The following AGBL1 variants were observed in gnomAD, a reference collection of about 807,000 sequenced individuals.
AGBL1 encodes AGBL carboxypeptidase 1, also known as cytosolic carboxypeptidase 4.
Under a neutral mutation model 118.9 loss-of-function variants are expected in AGBL1, and 130 were observed. The ratio of observed to expected loss-of-function variants is 1.09; its 90% CI spans 0.95 to 1.26. The LOEUF (loss-of-function observed/expected upper bound fraction) is 1.26, where lower values mean the gene tolerates loss of function less well. Among genes scored for constraint, AGBL1 ranks in the 50% most tolerant of loss-of-function variants. The pLI is 0.00. For synonymous variants in AGBL1, 555 were observed against 478.9 expected, an observed-to-expected ratio of 1.16 and a Z score of -2.08; for missense variants, 1,584 against 1,298.1, an observed-to-expected ratio of 1.22 and a Z score of -3.38.
intron 22 of AGBL1, among the ~76,000 whole-genome samples, chr15:86,829,856 T>G (rs1168072022): frequency 6.6e-6 from 1 of 152,148 alleles, no homozygotes; most frequent in Non-Finnish European, 1.5e-5. Context: ...ACTAGTTGCG[T>G]GCATTTGTTC....
rs528582720 is a variant in AGBL1, at chr15:86,672,143, TAAAG to T, written c.2995-2128_2995-2125del. ...GAGTAAAGAGAAAAAAACAGAGTAG[TAAAG>T]AGAGATTAATATCAAAGGGCAAAAT... On this transcript the variant is annotated intron_variant, in intron 21 of 22. Transcript: ENST00000614907. 2.6e-3 allele frequency among the ~76,000 whole-genome samples: 402 copies of T among 152,150 alleles called. 2 individuals carry two copies. Among genetic ancestry groups the T allele is most frequent in the African/African-American group, 9.3e-3 (385 of 41,526 alleles).
At chr15:86,250,609 T>A (rs1273971376) in intron 7 of AGBL1, among the ~76,000 whole-genome samples, 1 of 144,300 alleles carries the variant, frequency 6.9e-6, no homozygotes, top group Non-Finnish European at 1.5e-5. Flanking sequence ...ATCAAGTTTA[T>A]GTGCAAAGTC....
At chr15:86,303,629 C>T (rs1284302777) in intron 17 of AGBL1, among the ~76,000 whole-genome samples, 1 of 152,074 alleles carries the variant, frequency 6.6e-6, no homozygotes, top group African/African-American at 2.4e-5. Flanking sequence ...AAAATATACT[C>T]TATTTTAGAG....
At chr15:86,262,729 C>A in intron 9 of AGBL1, 49 bp from the exon 10 acceptor site, 1 of 1,267,630 alleles carries the variant, frequency 7.9e-7, no homozygotes, top group Non-Finnish European at 1.1e-6. Flanking sequence ...TGATGCTTCT[C>A]AGGGTGGATT....
intron 21 of AGBL1, among the ~76,000 whole-genome samples, chr15:86,610,782 A>AT (rs895086881): frequency 5.3e-5 from 8 of 151,222 alleles, no homozygotes; most frequent in East Asian, 3.9e-4. Context: ...CTAATCACGT[A>AT]TTTTTTTTTC....
intron 1 of AGBL1, among the ~76,000 whole-genome samples, chr15:86,131,804 G>A (rs2076823065): frequency 6.6e-6 from 1 of 151,948 alleles, no homozygotes; most frequent in Non-Finnish European, 1.5e-5. Flanking sequence ...ACAAAAATGA[G>A]CAAGGTGTGG....
chr15:86,964,381 G>A (rs745537694), intron 23 of AGBL1, among the ~76,000 whole-genome samples: 5 of 151,878 alleles, frequency 3.3e-5, no homozygotes, highest in Non-Finnish European at 7.4e-5. Flanking sequence ...CCCACTAGAT[G>A]TCAGAAGCAC....
intron 1 of AGBL1, among the ~76,000 whole-genome samples, chr15:86,096,699 T>C (rs1180975472): frequency 6.6e-6 from 1 of 152,200 alleles, no homozygotes; most frequent in Non-Finnish European, 1.5e-5. Context: ...AATGTAGCCA[T>C]GATGAATAGT....
At chr15:86,869,436 C>T (rs528135650) in intron 22 of AGBL1, among the ~76,000 whole-genome samples, 4 of 152,038 alleles carry the variant, frequency 2.6e-5, no homozygotes, top group Non-Finnish European at 4.4e-5. Context: ...TGGTTTCCTT[C>T]CTTAGCAATA....
At chr15:86,535,121 A>G (rs957092637) in intron 19 of AGBL1, among the ~76,000 whole-genome samples, 3 of 152,228 alleles carry the variant, frequency 2.0e-5, no homozygotes, top group Non-Finnish European at 4.4e-5. Flanking sequence ...GCTGACTAGC[A>G]TACAGGCATG....
At chr15:86,778,889 A>T (rs1473650180) in intron 22 of AGBL1, among the ~76,000 whole-genome samples, 1 of 152,164 alleles carries the variant, frequency 6.6e-6, no homozygotes, top group African/African-American at 2.4e-5. Flanking sequence ...AATCTTCACA[A>T]TTTATGTTCA....
At chr15:86,418,741 T>TCC (rs1318504000) in intron 18 of AGBL1, among the ~76,000 whole-genome samples, 1 of 152,132 alleles carries the variant, frequency 6.6e-6, no homozygotes, top group South Asian at 2.1e-4. Flanking sequence ...GATTCAGACT[T>TCC]CCCACAGGCA....
chr15:86,276,944 A>G (rs1165218863), intron 15 of AGBL1, among the ~76,000 whole-genome samples: 1 of 152,144 alleles, frequency 6.6e-6, no homozygotes, highest in Non-Finnish European at 1.5e-5. Flanking sequence ...GTCCTGGGAA[A>G]GTTTAAAGGC....
chr15:86,674,153 C>A (rs531950975), intron 21 of AGBL1, 120 bp from the exon 22 acceptor site: 11 of 952,512 alleles, frequency 1.2e-5, no homozygotes, highest in African/African-American at 6.5e-5. Flanking sequence ...CTGACAAATA[C>A]AATTAATTCT....
chr15:86,704,864 A>C (rs1380350375), intron 22 of AGBL1, among the ~76,000 whole-genome samples: 2 of 152,246 alleles, frequency 1.3e-5, no homozygotes, highest in African/African-American at 4.8e-5. Context: ...TTACAATAGC[A>C]AAGACTTGGA....
intron 18 of AGBL1, among the ~76,000 whole-genome samples, chr15:86,517,980 G>A (rs879864702): frequency 5.3e-5 from 8 of 152,132 alleles, no homozygotes; most frequent in East Asian, 1.9e-4. Context: ...AGTGAATGGC[G>A]AAGCTGCTGC....
intron 21 of AGBL1, among the ~76,000 whole-genome samples, chr15:86,652,400 A>G (rs1007270915): frequency 2.0e-5 from 3 of 152,130 alleles, no homozygotes; most frequent in Admixed American, 6.5e-5. Flanking sequence ...GCTAGGCTTT[A>G]ATGTTCGAGG....
chr15:86,435,971 C>G (rs2081995706), intron 18 of AGBL1, among the ~76,000 whole-genome samples: 1 of 152,010 alleles, frequency 6.6e-6, no homozygotes, highest in South Asian at 2.1e-4. Context: ...ACTTAAATTT[C>G]TTCTCACAGT....
chr15:86,580,191 C>T (rs2142329914), intron 21 of AGBL1, among the ~76,000 whole-genome samples: 1 of 152,300 alleles, frequency 6.6e-6, no homozygotes, highest in East Asian at 1.9e-4. Context: ...TTCAACACAG[C>T]TGACCTTATC....
Sources: allele counts gnomAD v4.1 joint callset (sites outside exome capture counted in the v4.1 genomes callset), GRCh38; gene constraint gnomAD v4.1.1; transcripts MANE v1.5; gene names NCBI Gene and HGNC (gene_info 2026-07-23, HGNC 2026-07-21).